Variants in CAMKK1 observed in about 807,000 individuals in gnomAD.
CAMKK1 encodes the protein calcium/calmodulin-dependent protein kinase kinase 1.
CAMKK1 carries 20 observed loss-of-function variants against 63.5 expected under a neutral mutation model. That is an observed-to-expected ratio of 0.32 (90% CI 0.22 to 0.46). CAMKK1 has a LOEUF of 0.46. Ranked by LOEUF, CAMKK1 falls within the 20% of genes least tolerant of loss-of-function variation. The pLI, the probability that CAMKK1 is intolerant of heterozygous loss-of-function variation, is 1.00. For missense variants in CAMKK1, 588 were observed against 658.1 expected (o/e 0.89, Z 1.17); for synonymous variants, 253 against 269.0 (o/e 0.94, Z 0.58).
Position 3,883,989 on chromosome 17 carries a change from A to G in CAMKK1, c.409-52T>C. 1 of 1,576,676 alleles carries G rather than the reference A, an allele frequency of 6.3e-7. No homozygotes were observed. The highest frequency in any genetic ancestry group is 8.7e-7 in the Non-Finnish European group (1 of 1,149,182). On this transcript the variant is annotated intron_variant, in intron 3 of 15. Transcript: ENST00000348335. The surrounding 1 kb of genome is among the most constrained non-coding windows in gnomAD (Gnocchi z 4.7). ...CCTGGACAGGGCAACCCCTCCCAGG[A>G]CCAGCTCAGGAGGTGGGGAGCCGAG...
chr17:3,877,642 G>A (rs563714049), intron 9 of CAMKK1, among the ~76,000 whole-genome samples: 17 of 152,308 alleles, frequency 1.1e-4, no homozygotes, highest in South Asian at 1.0e-3. Flanking sequence ...CAGAGAAGGC[G>A]GGTGCCGTAT....
At chr17:3,880,514 A>G in intron 8 of CAMKK1, 80 bp from the exon 9 acceptor site, 2 of 1,077,226 alleles carry the variant, frequency 1.9e-6, no homozygotes, top group Non-Finnish European at 2.8e-6. Flanking sequence ...CGTCCCGGGA[A>G]ACCTGTGCCC....
chr17:3,868,506 A>G (rs1444501380), intron 14 of CAMKK1, among the ~76,000 whole-genome samples: 2 of 152,118 alleles, frequency 1.3e-5, no homozygotes, highest in African/African-American at 4.8e-5. Context: ...CCACTCCTCC[A>G]ATCCAAAGGC....
intron 15 of CAMKK1, among the ~76,000 whole-genome samples, chr17:3,864,527 T>C (rs2054440673): frequency 6.6e-6 from 1 of 152,144 alleles, no homozygotes; most frequent in African/African-American, 2.4e-5. Flanking sequence ...ATTACAGGCG[T>C]GAGCCACCGC....
At chr17:3,865,843 G>A in intron 15 of CAMKK1, 65 bp downstream of exon 15, 1 of 1,601,206 alleles carries the variant, frequency 6.2e-7, no homozygotes, top group Non-Finnish European at 8.5e-7. Context: ...GTGGGAGGAT[G>A]GGCCTCAGAC....
chr17:3,890,519 C>T lies in CAMKK1; in HGVS notation c.-44+2420G>A, dbSNP rs2055857954. 6.6e-6 allele frequency among the ~76,000 whole-genome samples: 1 copy of T among 152,172 alleles called. No individual in the cohort carries two copies. Among genetic ancestry groups the T allele is most frequent in the African/African-American group, 2.4e-5 (1 of 41,442 alleles). On this transcript the variant is annotated intron_variant, in intron 1 of 15. Coordinates refer to ENST00000348335, the MANE Select transcript of CAMKK1 (RefSeq NM_032294.3). The surrounding 1 kb of genome is among the most constrained non-coding windows in gnomAD (Gnocchi z 6.5). The stretch of plus-strand genomic sequence containing the variant: ...CCGAGCAGCTCAGATCCAACAGGCC[C>T]CAGATTCAACTCAGCATCTTCCCCA...
In CAMKK1 at chr17:3,885,238, T is replaced by C. The variant is rs963936144; in HGVS notation, c.360+90A>G. 19 of 1,390,788 alleles carry C rather than the reference T, an allele frequency of 1.4e-5. No individual in the cohort carries two copies. The African/African-American group carries it at 1.7e-4, about 13-fold the overall frequency. 86.2% of individuals were successfully genotyped at this position (1,390,788 alleles called of 1,614,324 possible). Reference sequence around the variant, plus strand: ...TGAGGGTATGCAAACCAAAGCTAGATAGCCGTGTGGCACAGACAGGGGCAG... The same window carrying C: ...TGAGGGTATGCAAACCAAAGCTAGACAGCCGTGTGGCACAGACAGGGGCAG... On this transcript the variant is annotated intron_variant, in intron 2 of 15. Coordinates refer to ENST00000348335, the MANE Select transcript of CAMKK1 (RefSeq NM_032294.3).
At chr17:3,868,774 TC>T (rs1293618147) in intron 14 of CAMKK1, among the ~76,000 whole-genome samples, 1 of 151,796 alleles carries the variant, frequency 6.6e-6, no homozygotes, top group Non-Finnish European at 1.5e-5. Flanking sequence ...TGCCTCGGCC[TC>T]CCCAGTAGCT....
rs200894533 is a variant in CAMKK1, at chr17:3,862,804, A to AT, written c.1446-522dup. Among the ~76,000 whole-genome samples, 3,195 of 151,954 alleles carry AT rather than the reference A, an allele frequency of 0.021. 71 individuals are homozygous for AT. The highest frequency in any genetic ancestry group is 0.052 in the African/African-American group (2,148 of 41,456). ...GCCACCACGCCCAGCTAATTTTTGTATTTTTTTATCTCTATAAAAACAGGG... is the reference window on the plus strand; with the variant it reads ...GCCACCACGCCCAGCTAATTTTTGTATTTTTTTTATCTCTATAAAAACAGGG... On this transcript the variant is annotated intron_variant, in intron 15 of 15. Transcript: ENST00000348335. The surrounding 1 kb of genome is among the most constrained non-coding windows in gnomAD (Gnocchi z 4.1).
At chr17:3,868,685 T>C (rs1316409872) in intron 14 of CAMKK1, among the ~76,000 whole-genome samples, 1 of 151,778 alleles carries the variant, frequency 6.6e-6, no homozygotes, top group Non-Finnish European at 1.5e-5. Context: ...TGGAGTCTCG[T>C]TCTGTCAACC....
In CAMKK1 at chr17:3,862,251, G is replaced by A. The variant is rs1420482155; in HGVS notation, c.1478C>T (p.Pro493Leu). The A allele has an allele frequency of 6.3e-7, 1 of 1,590,706 alleles. No individual in the cohort carries two copies. ...KEGFGEGGKS[P>L]ELPGVQEDEA... ...GTCTTCCTGGACGCCGGGGAGCTCT[G>A]GGCTCTTGCCCCCTTCACCAAACCC... Residue 493 changes from proline (P) to leucine (L), a missense_variant, in exon 16 of 16, where the codon CCA (proline) becomes CTA (leucine). Coordinates refer to ENST00000348335, the MANE Select transcript of CAMKK1 (RefSeq NM_032294.3). The surrounding 1 kb of genome is among the most constrained non-coding windows in gnomAD (Gnocchi z 4.1).
At chr17:3,871,053 G>A (rs1015328388) in intron 12 of CAMKK1, among the ~76,000 whole-genome samples, 5 of 152,178 alleles carry the variant, frequency 3.3e-5, no homozygotes, top group Admixed American at 6.5e-5. Flanking sequence ...AGAGATGCAG[G>A]CAGATTTGTT....
chr17:3,890,579 C>A lies in CAMKK1; in HGVS notation c.-44+2360G>T. 1.3e-6 allele frequency: 1 copy of A among 766,224 alleles called. No homozygotes were observed. The highest frequency in any genetic ancestry group is 2.4e-6 in the Non-Finnish European group (1 of 409,140). 47.5% of individuals were successfully genotyped at this position (766,224 alleles called of 1,614,324 possible). ...GTCCTCCTCTGTCTCCATTGCGAGA[C>A]GGGTACCACACCCTCCCCATTCTTT... On this transcript the variant is annotated intron_variant, in intron 1 of 15. Transcript: ENST00000348335. The surrounding 1 kb of genome is among the most constrained non-coding windows in gnomAD (Gnocchi z 6.5).
chr17:3,885,844 T>C (rs915737808), intron 1 of CAMKK1, 114 bp from the exon 2 acceptor site: 1 of 1,075,072 alleles, frequency 9.3e-7, no homozygotes, highest in South Asian at 1.6e-5. Context: ...CTGTTCCCTC[T>C]ACCGGGATTG....
Position 3,887,908 on chromosome 17 carries a change from C to T in CAMKK1, c.-43-2178G>A, listed in dbSNP as rs1003973412. On this transcript the variant is annotated intron_variant, in intron 1 of 15. Coordinates refer to ENST00000348335, the MANE Select transcript of CAMKK1 (RefSeq NM_032294.3). This position sits in a 1 kb window ranked among gnomAD's most constrained non-coding sequence, Gnocchi z 6.1. The stretch of plus-strand genomic sequence containing the variant: ...CTCCGCATGCCTTGTTTTTCCCTCC[C>T]GAATGTAAGTTTCATGAGATTAGGA... 1.3e-5 allele frequency among the ~76,000 whole-genome samples: 2 copies of T among 152,150 alleles called. No homozygotes were observed. The highest frequency in any genetic ancestry group is 4.8e-5 in the African/African-American group (2 of 41,416).
At chr17:3,891,364 G>A (rs57285513) in intron 1 of CAMKK1, among the ~76,000 whole-genome samples, 197 of 152,332 alleles carry the variant, frequency 1.3e-3, no homozygotes, top group African/African-American at 4.5e-3. Flanking sequence ...AAATACAGCC[G>A]AGTAAGAAGG....
intron 12 of CAMKK1, among the ~76,000 whole-genome samples, chr17:3,871,333 GT>G (rs71155812): frequency 0.35 from 38,159 of 108,760 alleles, 5,730 homozygotes; most frequent in Non-Finnish European, 0.42. Flanking sequence ...GTTGTTTTTT[GT>G]TTTTTTTTTT....
intron 12 of CAMKK1, 101 bp from the exon 13 acceptor site, chr17:3,869,989 T>A (rs1426853351): frequency 6.4e-6 from 6 of 934,214 alleles, no homozygotes; most frequent in Non-Finnish European, 1.0e-5. Flanking sequence ...ATGGGAAGAC[T>A]GAGTTCCGGA....
In CAMKK1 at chr17:3,876,364, AT is replaced by A. The variant is rs1273426801; in HGVS notation, c.854del (p.Asp285ValfsTer5). 6.2e-7 allele frequency: 1 copy of A among 1,614,112 alleles called. No individual in the cohort carries two copies. Among genetic ancestry groups the A allele is most frequent in the Non-Finnish European group, 8.5e-7 (1 of 1,180,044 alleles). ...AGTCGGCGATCTTCACGTGCCCATC[AT>A]CCCCCAGGAGCAGGTTGGATGGCTT... ...DIKPSNLLLG[D>X]DGHVKIADFG... On this transcript the variant is annotated frameshift_variant, in exon 10 of 16. Transcript: ENST00000348335. LOFTEE classifies it high-confidence loss of function.
Sources: gnomAD v4.1 joint callset for allele counts (sites outside exome capture counted in the v4.1 genomes callset) on GRCh38, gnomAD v4.1.1 for gene constraint, Gnocchi (gnomAD v3.1) non-coding constraint, MANE v1.5 for transcripts, NCBI Gene and HGNC (gene_info 2026-07-23, HGNC 2026-07-21) for gene names.